Variants in COL24A1 observed in about 807,000 individuals in gnomAD.
The protein encoded by COL24A1 is collagen alpha-1(XXIV) chain.
In COL24A1, 224 loss-of-function variants were observed where a neutral mutation model predicts 253.9. The observed-to-expected ratio is 0.88, with a 90% CI of 0.79 to 0.99. The LOEUF is 0.99. Ranked by LOEUF, COL24A1 falls within the 50% of genes least tolerant of loss-of-function variation. The probability of loss-of-function intolerance (pLI) is 0.00; values close to 1 mark genes in which losing one functional copy is unlikely to be tolerated. For synonymous variants in COL24A1, 685 were observed against 673.7 expected (o/e 1.02, Z -0.26); for missense variants, 2,131 against 2,068.5 (o/e 1.03, Z -0.59).
At chr1:85,847,357 A>C (rs1404203089) in intron 39 of COL24A1, among the ~76,000 whole-genome samples, 1 of 152,198 alleles carries the variant, frequency 6.6e-6, no homozygotes, top group African/African-American at 2.4e-5. Flanking sequence ...CTAAATCCCA[A>C]TTTTAAGTGC....
intron 28 of COL24A1, among the ~76,000 whole-genome samples, chr1:85,901,824 C>CAAAAAAAAAAAAAAA (rs55862441): frequency 6.9e-5 from 4 of 57,792 alleles, no homozygotes; most frequent in African/African-American, 7.0e-5. Flanking sequence ...GACTCCGTCT[C>CAAAAAAAAAAAAAAA]AAAAAAAAAA....
At chr1:85,758,746 T>C (rs1289112371) in intron 55 of COL24A1, among the ~76,000 whole-genome samples, 1 of 152,180 alleles carries the variant, frequency 6.6e-6, no homozygotes, top group South Asian at 2.1e-4. Context: ...CACACAAACA[T>C]ACATATATTC....
In COL24A1 at chr1:85,903,533, A is replaced by T. The variant is rs956150088; in HGVS notation, c.2778+3661T>A. Among the ~76,000 whole-genome samples, 87 of 152,282 alleles carry T rather than the reference A, an allele frequency of 5.7e-4. 2 individuals are homozygous for T. The highest frequency in any genetic ancestry group is 2.0e-3 in the African/African-American group (85 of 41,564). On this transcript the variant is annotated intron_variant, in intron 28 of 59. Transcript: ENST00000370571. The stretch of plus-strand genomic sequence containing the variant: ...TTATATATTAAAATAACCGTTTAAA[A>T]ATATCTCATGGATATTCTCTTAGAG...
At chr1:85,826,968 T>G in intron 43 of COL24A1, among the ~76,000 whole-genome samples, 1 of 151,894 alleles carries the variant, frequency 6.6e-6, no homozygotes, top group Non-Finnish European at 1.5e-5. Flanking sequence ...CTATGTTGAA[T>G]AGGAGTGGTG....
At chr1:85,802,541 T>A (rs990747160) in intron 47 of COL24A1, among the ~76,000 whole-genome samples, 1 of 152,172 alleles carries the variant, frequency 6.6e-6, no homozygotes, top group African/African-American at 2.4e-5. Context: ...TATATGAATT[T>A]ATATATGTAG....
chr1:86,030,309 C>A (rs998217908), intron 14 of COL24A1: 1 of 152,276 alleles, frequency 6.6e-6, no homozygotes, highest in African/African-American at 2.4e-5. Flanking sequence ...GGTGCTGCTG[C>A]CATTTTGGAG....
At chr1:86,072,549 G>A (rs1701947988) in intron 7 of COL24A1, among the ~76,000 whole-genome samples, 1 of 152,274 alleles carries the variant, frequency 6.6e-6, no homozygotes, top group Middle Eastern at 3.4e-3. Flanking sequence ...GGGTGGCTGT[G>A]GGTGCAGCTT....
intron 19 of COL24A1, among the ~76,000 whole-genome samples, chr1:86,002,708 A>T (rs76620963): frequency 0.02 from 2,975 of 152,228 alleles, 56 homozygotes; most frequent in Non-Finnish European, 0.031. Flanking sequence ...TGCACTCAAG[A>T]TGGTAGGATA....
chr1:85,992,015 G>A (rs1237734786), intron 19 of COL24A1, among the ~76,000 whole-genome samples: 2 of 151,680 alleles, frequency 1.3e-5, no homozygotes, highest in African/African-American at 4.9e-5. Context: ...TTGGTGTGCT[G>A]CACCCATTAA....
intron 7 of COL24A1, among the ~76,000 whole-genome samples, chr1:86,071,330 A>G (rs1392532742): frequency 6.6e-6 from 1 of 152,172 alleles, no homozygotes; most frequent in Non-Finnish European, 1.5e-5. Context: ...GGAATGGAGG[A>G]AAGAAGGAAG....
At chr1:85,930,503 G>T (rs2103088189) in intron 24 of COL24A1, among the ~76,000 whole-genome samples, 1 of 45,616 alleles carries the variant, frequency 2.2e-5, no homozygotes, top group East Asian at 8.3e-4. Context: ...TCTACCAGAG[G>T]TACAAGGAGG....
At chr1:86,056,758 G>C (rs902727378) in intron 10 of COL24A1, among the ~76,000 whole-genome samples, 1 of 151,708 alleles carries the variant, frequency 6.6e-6, no homozygotes, top group Non-Finnish European at 1.5e-5. Context: ...GAAGGCTGAG[G>C]CAGGAGAATC....
At chr1:86,134,650 C>T (rs1266656464) in intron 2 of COL24A1, among the ~76,000 whole-genome samples, 1 of 148,376 alleles carries the variant, frequency 6.7e-6, no homozygotes, top group Non-Finnish European at 1.5e-5. Flanking sequence ...TCCATGTAGT[C>T]GTGCGGTTTT....
At chr1:85,993,645 T>C (rs768717819) in intron 19 of COL24A1, among the ~76,000 whole-genome samples, 2 of 152,208 alleles carry the variant, frequency 1.3e-5, no homozygotes, top group African/African-American at 4.8e-5. Context: ...ATCTTGGTGA[T>C]GGTTTCACAG....
At chr1:85,806,580 T>C (rs943238836) in intron 47 of COL24A1, among the ~76,000 whole-genome samples, 68 of 152,252 alleles carry the variant, frequency 4.5e-4, no homozygotes, top group Non-Finnish European at 7.3e-4. Flanking sequence ...CATATGTTTT[T>C]CACAAAACAT....
intron 7 of COL24A1, among the ~76,000 whole-genome samples, chr1:86,067,561 G>T (rs777566377): frequency 5.3e-4 from 81 of 152,270 alleles, no homozygotes; most frequent in Middle Eastern, 3.4e-3. Context: ...GTAGAAAATA[G>T]ATTCTATGTA....
Position 85,907,230 on chromosome 1 carries a change from T to A in COL24A1, c.2742A>T (p.Arg914Ser). 1 of 1,611,448 alleles carries A rather than the reference T, an allele frequency of 6.2e-7. No individual in the cohort carries two copies. Among genetic ancestry groups the A allele is most frequent in the Non-Finnish European group, 8.5e-7 (1 of 1,178,096 alleles). Residue 914 changes from arginine (R) to serine (S), a missense_variant, in exon 28 of 60, where the codon AGA (arginine) becomes AGT (serine). Physicochemically the swap from Arg to Ser is moderately radical, Grantham distance 110. Transcript: ENST00000370571. Reference sequence around the variant, plus strand: ...TAGGACCTTGACTCCCAGGTGGTCCTCTTGCCCCCACATGACCCTATATGT... The same window carrying A: ...TAGGACCTTGACTCCCAGGTGGTCCACTTGCCCCCACATGACCCTATATGT... ...PLGLPGHVGA[R>S]GPPGSQGPKG...
intron 37 of COL24A1, among the ~76,000 whole-genome samples, chr1:85,866,085 A>G (rs1203605938): frequency 6.6e-6 from 1 of 152,152 alleles, no homozygotes; most frequent in Non-Finnish European, 1.5e-5. Flanking sequence ...CAACATGGTG[A>G]AACCCCATTT....
At chr1:85,737,324 A>G (rs1404099996) in intron 58 of COL24A1, 72 bp downstream of exon 58, 3 of 811,386 alleles carry the variant, frequency 3.7e-6, no homozygotes, top group Non-Finnish European at 5.7e-6. Flanking sequence ...TTAAAATGAT[A>G]GAATTTTAAA....
Sources: allele counts gnomAD v4.1 joint callset (sites outside exome capture counted in the v4.1 genomes callset), GRCh38; gene constraint gnomAD v4.1.1; transcripts MANE v1.5; gene names NCBI Gene and HGNC (gene_info 2026-07-23, HGNC 2026-07-21).